The following SPTLC2 variants were observed in gnomAD, a reference collection of about 807,000 sequenced individuals.
SPTLC2 encodes the protein serine palmitoyltransferase 2.
SPTLC2 carries 21 observed loss-of-function variants against 62.0 expected under a neutral mutation model. That is an observed-to-expected ratio of 0.34 (90% CI 0.24 to 0.49). The LOEUF (loss-of-function observed/expected upper bound fraction) is 0.49. Among genes scored for constraint, SPTLC2 ranks in the 20% least tolerant of loss-of-function variants. The probability of loss-of-function intolerance (pLI) is 0.99; values close to 1 mark genes in which losing one functional copy is unlikely to be tolerated. For synonymous variants in SPTLC2, 261 were observed against 261.8 expected (o/e 1.00, Z 0.03); for missense variants, 511 against 713.0 (o/e 0.72, Z 3.23).
chr14:77,538,169 T>C (rs935087341), intron 9 of SPTLC2, among the ~76,000 whole-genome samples: 4 of 152,236 alleles, frequency 2.6e-5, no homozygotes, highest in East Asian at 3.8e-4. Flanking sequence ...CTATGAACTT[T>C]CCAAAGCTTT....
chr14:77,614,814 T>C (rs2079957001), intron 1 of SPTLC2, among the ~76,000 whole-genome samples: 1 of 140,258 alleles, frequency 7.1e-6, no homozygotes, highest in South Asian at 2.3e-4. Context: ...CTAATAAAAA[T>C]ACAAAATTTA....
chr14:77,601,623 C>T (rs959948110), intron 1 of SPTLC2, among the ~76,000 whole-genome samples: 1 of 152,298 alleles, frequency 6.6e-6, no homozygotes, highest in Non-Finnish European at 1.5e-5. Flanking sequence ...GGAGACCAGT[C>T]CCCTGTCCTC....
intron 5 of SPTLC2, among the ~76,000 whole-genome samples, 184 bp downstream of exon 5, chr14:77,570,200 G>A (rs1249099725): frequency 7.2e-6 from 1 of 139,570 alleles, no homozygotes; most frequent in Admixed American, 7.5e-5. Flanking sequence ...TCCAGCCTGG[G>A]CGAAAGAACA....
intron 9 of SPTLC2, among the ~76,000 whole-genome samples, chr14:77,536,439 T>C (rs2079471289): frequency 6.6e-6 from 1 of 152,150 alleles, no homozygotes; most frequent in African/African-American, 2.4e-5. Context: ...AACAGCTTTA[T>C]TGAGATATAT....
intron 2 of SPTLC2, among the ~76,000 whole-genome samples, chr14:77,583,219 A>C (rs1262154972): frequency 6.7e-6 from 1 of 149,514 alleles, no homozygotes; most frequent in African/African-American, 2.4e-5. Flanking sequence ...ATAAATAAAT[A>C]AATAAATAAA....
chr14:77,516,478 GAAAGAAA>G (rs1401965926), intron 11 of SPTLC2, among the ~76,000 whole-genome samples: 1 of 151,536 alleles, frequency 6.6e-6, no homozygotes, highest in African/African-American at 2.4e-5. Flanking sequence ...GTGAACATGA[GAAAGAAA>G]AAAGAAAATT....
At chr14:77,555,266 T>C (rs1233044510) in intron 8 of SPTLC2, 34 bp downstream of exon 8, 15 of 1,613,246 alleles carry the variant, frequency 9.3e-6, no homozygotes, top group Non-Finnish European at 1.3e-5. Flanking sequence ...CCAGTGACTT[T>C]ATCTCTAATC....
At chr14:77,610,375 C>T (rs1055109166) in intron 1 of SPTLC2, among the ~76,000 whole-genome samples, 1 of 152,162 alleles carries the variant, frequency 6.6e-6, no homozygotes, top group African/African-American at 2.4e-5. Flanking sequence ...CTCCTGACCT[C>T]AAGTGATCCG....
rs1441888674 is a variant in SPTLC2 at position 77,616,576 on chromosome 14, G to C, written c.4C>G (p.Arg2Gly). Residue 2 changes from arginine to glycine, a missense_variant, in exon 1 of 12, where the codon CGG becomes GGG. By Grantham distance (125) the Arg-to-Gly change is moderately radical. Coordinates refer to ENST00000216484, the MANE Select transcript of SPTLC2 (RefSeq NM_004863.4). Reference protein sequence around the residue: MRPEPGGCCCRR... With the variant: MGPEPGGCCCRR... ...CAGCAGCAGCCTCCGGGCTCCGGCC[G>C]CATCTTCCTGGCAGCACCAGGCGCA... 1.3e-6 allele frequency: 2 copies of C among 1,538,130 alleles called. No homozygotes were observed. Among genetic ancestry groups the C allele is most frequent in the African/African-American group, 2.7e-5 (2 of 73,182 alleles).
intron 7 of SPTLC2, among the ~76,000 whole-genome samples, chr14:77,556,425 A>AT (rs2079584390): frequency 6.6e-6 from 1 of 152,246 alleles, no homozygotes; most frequent in Non-Finnish European, 1.5e-5. Flanking sequence ...AAAGCTTGTA[A>AT]TTACAGGCAA....
At chr14:77,602,018 C>A in intron 1 of SPTLC2, among the ~76,000 whole-genome samples, 1 of 152,176 alleles carries the variant, frequency 6.6e-6, no homozygotes, top group East Asian at 1.9e-4. Flanking sequence ...TGGTCATTCA[C>A]CCACATTCCC....
intron 6 of SPTLC2, among the ~76,000 whole-genome samples, chr14:77,560,633 AT>A (rs201095827): frequency 0.23 from 1,396 of 6,106 alleles, 32 homozygotes; most frequent in East Asian, 0.42. Flanking sequence ...AAATAAAAAT[AT>A]ATATATATAT....
chr14:77,590,834 G>C (rs952236387), intron 2 of SPTLC2, among the ~76,000 whole-genome samples: 1 of 152,190 alleles, frequency 6.6e-6, no homozygotes, highest in Non-Finnish European at 1.5e-5. Context: ...GGGTGCCCTG[G>C]GTAGAACAGA....
At chr14:77,560,307 G>A (rs12434746) in intron 6 of SPTLC2, among the ~76,000 whole-genome samples, 35,221 of 152,088 alleles carry the variant, frequency 0.23, 4,219 homozygotes, top group Middle Eastern at 0.35. Flanking sequence ...AAAAATGTGG[G>A]CCAGGCGTGG....
chr14:77,584,942 G>A (rs944690547), intron 2 of SPTLC2, among the ~76,000 whole-genome samples: 5 of 152,352 alleles, frequency 3.3e-5, no homozygotes, highest in East Asian at 1.9e-4. Context: ...TTGCACCAGC[G>A]TAGGAGGCAA....
chr14:77,579,764 G>A (rs1237296819), intron 2 of SPTLC2, among the ~76,000 whole-genome samples: 3 of 151,980 alleles, frequency 2.0e-5, no homozygotes, highest in African/African-American at 4.8e-5. Context: ...TGATGTATCA[G>A]GAAAACATCT....
Position 77,562,398 on chromosome 14 carries a change from T to C in SPTLC2, c.848A>G (p.Asn283Ser), listed in dbSNP as rs1187315111. The C allele has an allele frequency of 6.2e-7, 1 of 1,613,862 alleles. No homozygotes were observed. The highest frequency in any genetic ancestry group is 8.5e-7 in the Non-Finnish European group (1 of 1,179,722). Residue 283 changes from asparagine to serine, a missense_variant and splice_region_variant, in exon 6 of 12, where the codon AAC becomes AGC. Transcript: ENST00000216484. ...AGTGAATTCTTCAGCAAACTCACTG[T>C]TGTGTTTGAAGATTCTAATGGTTGC... ...SGATIRIFKH[N>S]NMQSLEKLLK...
intron 9 of SPTLC2, among the ~76,000 whole-genome samples, chr14:77,551,675 C>T (rs1019581412): frequency 1.3e-5 from 2 of 151,934 alleles, no homozygotes; most frequent in Non-Finnish European, 2.9e-5. Context: ...TATTATCTAC[C>T]GTATATGAAA....
chr14:77,580,554 GAAAA>G (rs11322822), intron 2 of SPTLC2, among the ~76,000 whole-genome samples: 8,898 of 129,380 alleles, frequency 0.069, 329 homozygotes, highest in Non-Finnish European at 0.099. Flanking sequence ...TTTTAAAAAA[GAAAA>G]AAAAAAAAAA....
Sources: allele counts gnomAD v4.1 joint callset (sites outside exome capture counted in the v4.1 genomes callset), GRCh38; gene constraint gnomAD v4.1.1; transcripts MANE v1.5; gene names NCBI Gene and HGNC (gene_info 2026-07-23, HGNC 2026-07-21).